The following CLIC4 variants were observed in gnomAD, a reference collection of about 807,000 sequenced individuals.
CLIC4 encodes CLIC family member 4, also known as chloride intracellular channel protein 4.
Under a neutral mutation model 24.6 loss-of-function variants are expected in CLIC4, and 13 were observed. The observed-to-expected ratio is 0.53, with a 90% confidence interval of 0.34 to 0.84. The LOEUF (loss-of-function observed/expected upper bound fraction) is 0.84. Ranked by LOEUF, CLIC4 falls within the 40% of genes least tolerant of loss-of-function variation. The pLI is 0.01. For missense variants in CLIC4, 227 were observed against 301.7 expected (o/e 0.75, Z 1.83); for synonymous variants, 104 against 111.3 (o/e 0.93, Z 0.41).
intron 1 of CLIC4, among the ~76,000 whole-genome samples, chr1:24,785,743 T>C (rs1639258296): frequency 6.7e-6 from 1 of 150,206 alleles, no homozygotes; most frequent in Non-Finnish European, 1.5e-5. Flanking sequence ...TCCCAGCTAC[T>C]TGGGAGGCTG....
chr1:24,816,834 C>T (rs544806726), intron 3 of CLIC4, among the ~76,000 whole-genome samples: 1 of 152,264 alleles, frequency 6.6e-6, no homozygotes, highest in South Asian at 2.1e-4. Context: ...TGGGTCTCAA[C>T]AGTGGGCTTA....
chr1:24,839,515 G>A (rs935282819), intron 4 of CLIC4, among the ~76,000 whole-genome samples: 65 of 152,258 alleles, frequency 4.3e-4, no homozygotes, highest in Admixed American at 9.2e-4. Flanking sequence ...TAGCCAGGAT[G>A]GTCTCGATCT....
At chr1:24,792,071 GAAA>G (rs1365671492) in intron 1 of CLIC4, among the ~76,000 whole-genome samples, 2 of 120,982 alleles carry the variant, frequency 1.7e-5, no homozygotes, top group Non-Finnish European at 3.6e-5. Context: ...AAAAAAAAAA[GAAA>G]TTTGAATTTT....
intron 4 of CLIC4, among the ~76,000 whole-genome samples, chr1:24,835,952 C>T (rs1639881742): frequency 6.6e-6 from 1 of 152,064 alleles, no homozygotes; most frequent in Non-Finnish European, 1.5e-5. Flanking sequence ...AACAATGTTG[C>T]TTATGTACAA....
chr1:24,816,606 A>G (rs910471348), intron 3 of CLIC4, among the ~76,000 whole-genome samples: 2 of 152,200 alleles, frequency 1.3e-5, no homozygotes, highest in Non-Finnish European at 2.9e-5. Context: ...TGCTTTGCTC[A>G]GATCCATCAG....
intron 1 of CLIC4, among the ~76,000 whole-genome samples, chr1:24,763,943 C>T (rs1255725710): frequency 6.6e-6 from 1 of 152,172 alleles, no homozygotes; most frequent in Non-Finnish European, 1.5e-5. Context: ...TTTGCGTCCA[C>T]CACGATATTT....
intron 1 of CLIC4, among the ~76,000 whole-genome samples, chr1:24,769,771 C>T (rs905155822): frequency 1.3e-5 from 2 of 152,108 alleles, no homozygotes; most frequent in African/African-American, 4.8e-5. Context: ...ATTACCTCAC[C>T]TCGTTGCATT....
chr1:24,745,466 C>A lies in CLIC4; in HGVS notation c.-88C>A. 3.2e-6 allele frequency: 4 copies of A among 1,257,378 alleles called. No homozygotes were observed. The highest frequency in any genetic ancestry group is 4.4e-6 in the Non-Finnish European group (4 of 900,134). 77.9% of individuals were successfully genotyped at this position (1,257,378 alleles called of 1,614,324 possible). On this transcript the variant is annotated 5_prime_UTR_variant, in exon 1 of 6. Transcript: ENST00000374379. ...CCGGACAGTCCAGCGAGCAGCACGG[C>A]GGGAACCGGCAGCCGGAGCAGTCCC...
At chr1:24,775,070 GAAA>G (rs112547782) in intron 1 of CLIC4, among the ~76,000 whole-genome samples, 3 of 126,850 alleles carry the variant, frequency 2.4e-5, no homozygotes, top group Non-Finnish European at 5.1e-5. Flanking sequence ...GACTCCATCT[GAAA>G]AAAAAAAAAA....
chr1:24,757,626 C>T (rs1349629130), intron 1 of CLIC4, among the ~76,000 whole-genome samples: 1 of 151,792 alleles, frequency 6.6e-6, no homozygotes, highest in Admixed American at 6.6e-5. Flanking sequence ...CCTAGGAAAA[C>T]AGAAAAAGTG....
chr1:24,830,512 A>T (rs775897647), intron 4 of CLIC4, among the ~76,000 whole-genome samples: 4 of 151,902 alleles, frequency 2.6e-5, no homozygotes, highest in Non-Finnish European at 5.9e-5. Flanking sequence ...CTTGAGCTAG[A>T]TTCCAAATAG....
At chr1:24,763,869 G>C (rs1188046567) in intron 1 of CLIC4, among the ~76,000 whole-genome samples, 1 of 152,068 alleles carries the variant, frequency 6.6e-6, no homozygotes, top group Non-Finnish European at 1.5e-5. Context: ...AGTTTTGCAT[G>C]TATGTCTTAT....
chr1:24,757,122 A>G (rs1311929098), intron 1 of CLIC4, among the ~76,000 whole-genome samples: 1 of 151,990 alleles, frequency 6.6e-6, no homozygotes, highest in Non-Finnish European at 1.5e-5. Flanking sequence ...CTGTACCTCT[A>G]GACCTCAGGT....
At chr1:24,830,497 A>G (rs1639829591) in intron 4 of CLIC4, among the ~76,000 whole-genome samples, 1 of 151,978 alleles carries the variant, frequency 6.6e-6, no homozygotes, top group African/African-American at 2.4e-5. Context: ...CTGCTGGTGA[A>G]TGTCCTTGAG....
At chr1:24,803,099 A>G (rs1388548010) in intron 2 of CLIC4, among the ~76,000 whole-genome samples, 1 of 152,244 alleles carries the variant, frequency 6.6e-6, no homozygotes, top group Non-Finnish European at 1.5e-5. Flanking sequence ...CATTGGTTCA[A>G]AAAACAAAAA....
intron 1 of CLIC4, among the ~76,000 whole-genome samples, chr1:24,750,436 CTTTTTTT>C (rs368673049): frequency 1.5e-5 from 2 of 137,510 alleles, no homozygotes; most frequent in Middle Eastern, 3.8e-3. Flanking sequence ...TTCTTTCTTT[CTTTTTTT>C]TTTTTTTTTT....
At chr1:24,752,687 A>C (rs1638791540) in intron 1 of CLIC4, among the ~76,000 whole-genome samples, 2 of 152,240 alleles carry the variant, frequency 1.3e-5, no homozygotes, top group Admixed American at 1.3e-4. Context: ...TGCTTGACAC[A>C]TAGTAAACAC....
In CLIC4 at chr1:24,829,697, A is replaced by C. The variant is rs531580646; in HGVS notation, c.415+2581A>C. Reference sequence around the variant, plus strand: ...TTGAATGTACTCTGAGGCATATTTCATGATGTCCAAATTCCTATATTTAGA... The same window carrying C: ...TTGAATGTACTCTGAGGCATATTTCCTGATGTCCAAATTCCTATATTTAGA... On this transcript the variant is annotated intron_variant, in intron 4 of 5. Transcript: ENST00000374379. Among the ~76,000 whole-genome samples the C allele has an allele frequency of 1.1e-4, 17 of 152,310 alleles. No homozygotes were observed. In the South Asian group the frequency reaches 3.5e-3, roughly 32 times the overall value.
At chr1:24,794,986 A>G (rs1452818652) in intron 1 of CLIC4, among the ~76,000 whole-genome samples, 1 of 152,158 alleles carries the variant, frequency 6.6e-6, no homozygotes, top group Non-Finnish European at 1.5e-5. Context: ...GCTTTGTCGA[A>G]AATCAGATGG....
Sources: gnomAD v4.1 joint callset for allele counts (sites outside exome capture counted in the v4.1 genomes callset) on GRCh38, gnomAD v4.1.1 for gene constraint, MANE v1.5 for transcripts, NCBI Gene and HGNC (gene_info 2026-07-23, HGNC 2026-07-21) for gene names.